SLC7A5: variants seen among roughly 807,000 people sequenced by gnomAD.
The protein encoded by SLC7A5 is solute carrier family 7 member 5.
In SLC7A5, 23 loss-of-function variants were observed where a neutral mutation model predicts 50.2. The ratio of observed to expected loss-of-function variants is 0.46; its 90% CI spans 0.33 to 0.65. The LOEUF is 0.65. Ranked by LOEUF, SLC7A5 falls within the 30% of genes least tolerant of loss-of-function variation. The pLI is 0.02. For synonymous variants in SLC7A5, 393 were observed against 330.6 expected (o/e 1.19, Z -2.05); for missense variants, 578 against 684.4 (o/e 0.84, Z 1.73).
At chr16:87,836,305 C>A (rs1006852627) in intron 8 of SLC7A5, among the ~76,000 whole-genome samples, 193 bp downstream of exon 8, 2 of 152,278 alleles carry the variant, frequency 1.3e-5, no homozygotes, top group South Asian at 2.1e-4. Context: ...GGAACCCCGG[C>A]TCCTGCAGTC....
intron 2 of SLC7A5, among the ~76,000 whole-genome samples, chr16:87,843,640 T>C (rs58852522): frequency 0.35 from 53,125 of 151,868 alleles, 10,650 homozygotes; most frequent in South Asian, 0.57. Context: ...AGCACCCCTG[T>C]ACCTCTCAGC....
At position 87,841,044 on chromosome 16, in the gene SLC7A5, AC is replaced by A; in HGVS notation, c.770+5del. On this transcript the variant is annotated splice_donor_5th_base_variant and intron_variant, in intron 3 of 9. Coordinates refer to ENST00000261622, the MANE Select transcript of SLC7A5 (RefSeq NM_003486.7). The surrounding 1 kb of genome is among the most constrained non-coding windows in gnomAD (Gnocchi z 4.8). Reference sequence around the variant, plus strand: ...GACCAAGGGACCCAGACATTCCAGAACCTACCATCCTCCATAGGCAAAGAGG... The same window carrying A: ...GACCAAGGGACCCAGACATTCCAGAACTACCATCCTCCATAGGCAAAGAGG... 1 of 1,602,716 alleles carries A rather than the reference AC, an allele frequency of 6.2e-7. No individual in the cohort carries two copies. Among genetic ancestry groups the A allele is most frequent in the Non-Finnish European group, 8.5e-7 (1 of 1,169,900 alleles).
chr16:87,868,527 C>A (rs989964776), intron 1 of SLC7A5, among the ~76,000 whole-genome samples: 1 of 152,174 alleles, frequency 6.6e-6, no homozygotes, highest in Non-Finnish European at 1.5e-5. Flanking sequence ...AAACCGATTG[C>A]TCAGTTACTC....
Position 87,845,356 on chromosome 16 carries a change from G to T in SLC7A5, c.665-4201C>A, listed in dbSNP as rs147740759. 3.5e-3 allele frequency among the ~76,000 whole-genome samples: 527 copies of T among 152,298 alleles called. 4 individuals carry two copies. The highest frequency in any genetic ancestry group is 0.012 in the African/African-American group (510 of 41,554). On this transcript the variant is annotated intron_variant, in intron 2 of 9. Coordinates refer to ENST00000261622, the MANE Select transcript of SLC7A5 (RefSeq NM_003486.7). The stretch of plus-strand genomic sequence containing the variant: ...GAGCTAGCTGCCCTGTGGGCTCAGG[G>T]AAGTCGTGCAGTGACCGCCACATGG...
intron 2 of SLC7A5, among the ~76,000 whole-genome samples, chr16:87,844,243 GC>G (rs1391849308): frequency 6.6e-6 from 1 of 152,192 alleles, no homozygotes; most frequent in Non-Finnish European, 1.5e-5. Flanking sequence ...GAAAGCAAAC[GC>G]ACAGCCAAAC....
rs1489202278 is a variant in SLC7A5 at position 87,841,563 on chromosome 16, C to T, written c.665-408G>A. Among the ~76,000 whole-genome samples the T allele has an allele frequency of 1.3e-5, 2 of 152,238 alleles. No homozygotes were observed. The highest frequency in any genetic ancestry group is 2.9e-5 in the Non-Finnish European group (2 of 68,034). The stretch of plus-strand genomic sequence containing the variant: ...TCGGTTTGCATCCTGGCTACGGCAA[C>T]AAGGAAGGCCCAGAGCCACTAGGGC... On this transcript the variant is annotated intron_variant, in intron 2 of 9. Transcript: ENST00000261622. This position sits in a 1 kb window ranked among gnomAD's most constrained non-coding sequence, Gnocchi z 4.8.
intron 2 of SLC7A5, among the ~76,000 whole-genome samples, chr16:87,849,882 G>A (rs1346025505): frequency 6.6e-6 from 1 of 152,098 alleles, no homozygotes; most frequent in African/African-American, 2.4e-5. Flanking sequence ...GGATTGACCT[G>A]GGCAACCTTC....
Position 87,839,753 on chromosome 16 carries a change from G to A in SLC7A5, c.888C>T (p.Tyr296=), listed in dbSNP as rs1441139610. ...TLVYVLTNLA[Y]FTTLSTEQML... ...TCTGCTCGGTGGACAGGGTGGTGAA[G>A]TAGGCCAGGTTGGTCAGCACGTACA... Residue 296 remains tyrosine, a synonymous_variant, in exon 5 of 10, where the codon TAC becomes TAT. Transcript: ENST00000261622. 5 of 1,613,808 alleles carry A rather than the reference G, an allele frequency of 3.1e-6. No homozygotes were observed. The highest frequency in any genetic ancestry group is 2.2e-5 in the East Asian group (1 of 44,888).
intron 8 of SLC7A5, among the ~76,000 whole-genome samples, chr16:87,835,480 T>G (rs1485615477): frequency 2.6e-5 from 4 of 152,210 alleles, no homozygotes; most frequent in Admixed American, 2.0e-4. Flanking sequence ...TGACTGTATT[T>G]TAAAGCCCCT....
rs545233685 is a variant in SLC7A5, at chr16:87,844,560, G to T, written c.665-3405C>A. On this transcript the variant is annotated intron_variant, in intron 2 of 9. Coordinates refer to ENST00000261622, the MANE Select transcript of SLC7A5 (RefSeq NM_003486.7). Reference sequence around the variant, plus strand: ...CGGGATCTTCCCCCTCCTCTGTGATGCGGCCAACCCTCCAAGCCTCTGGCT... The same window carrying T: ...CGGGATCTTCCCCCTCCTCTGTGATTCGGCCAACCCTCCAAGCCTCTGGCT... 5.6e-4 allele frequency among the ~76,000 whole-genome samples: 86 copies of T among 152,346 alleles called. No homozygotes were observed. The South Asian group carries it at 0.017, about 31-fold the overall frequency.
intron 5 of SLC7A5, among the ~76,000 whole-genome samples, chr16:87,839,305 G>A (rs1032586008): frequency 1.3e-5 from 2 of 152,174 alleles, no homozygotes; most frequent in Non-Finnish European, 2.9e-5. Context: ...CTGGCCTCCC[G>A]CCTGCCAAGC....
At chr16:87,837,674 C>G in intron 7 of SLC7A5, 171 bp downstream of exon 7, 1 of 599,626 alleles carries the variant, frequency 1.7e-6, no homozygotes, top group Non-Finnish European at 3.0e-6. Context: ...GGAATAAAAT[C>G]TAAAGCCCCT....
chr16:87,861,493 G>A lies in SLC7A5; in HGVS notation c.538+7392C>T, dbSNP rs574642489. On this transcript the variant is annotated intron_variant, in intron 1 of 9. Coordinates refer to ENST00000261622, the MANE Select transcript of SLC7A5 (RefSeq NM_003486.7). The surrounding 1 kb of genome is among the most constrained non-coding windows in gnomAD (Gnocchi z 4.2). Reference sequence around the variant, plus strand: ...CACTGTGGCCCCTGGCTCCTGGCTCGCTCCTGCCTCAGTTTCCCCAGCTGT... The same window carrying A: ...CACTGTGGCCCCTGGCTCCTGGCTCACTCCTGCCTCAGTTTCCCCAGCTGT... Among the ~76,000 whole-genome samples, 8 of 152,248 alleles carry A rather than the reference G, an allele frequency of 5.3e-5. No individual in the cohort carries two copies. The highest frequency in any genetic ancestry group is 2.1e-4 in the South Asian group (1 of 4,828).
rs571032770 is a variant in SLC7A5, at chr16:87,837,467, C to G, written c.1140+378G>C. The G allele has an allele frequency of 1.1e-5, 3 of 277,470 alleles. No individual in the cohort carries two copies. The South Asian group carries it at 1.5e-4, about 13-fold the overall frequency. 17.2% of individuals were successfully genotyped at this position (277,470 alleles called of 1,614,324 possible). A position where few individuals can be genotyped will look rare whatever the true frequency, so the allele number is the denominator to read the frequency against. ...CAGCCAGAGGGAACAAAGGCAGTCA[C>G]GCGGGCTGGCACGGAAAGATGCAGG... is the stretch of plus-strand genomic sequence containing the variant. On this transcript the variant is annotated intron_variant, in intron 7 of 9. Transcript: ENST00000261622.
intron 1 of SLC7A5, among the ~76,000 whole-genome samples, chr16:87,858,664 G>A (rs181268806): frequency 1.3e-3 from 198 of 152,200 alleles, no homozygotes; most frequent in Non-Finnish European, 2.4e-3. Flanking sequence ...TCTCACCCTC[G>A]TGCTCTGGCC....
Position 87,861,675 on chromosome 16 carries a change from C to T in SLC7A5, c.538+7210G>A, listed in dbSNP as rs756599607. The stretch of plus-strand genomic sequence containing the variant: ...CCTGGCCTGGGCCCCCGGGGGTCTG[C>T]GCAACCCACCCTTCTGTGTGAAGGC... On this transcript the variant is annotated intron_variant, in intron 1 of 9. Coordinates refer to ENST00000261622, the MANE Select transcript of SLC7A5 (RefSeq NM_003486.7). This position sits in a 1 kb window ranked among gnomAD's most constrained non-coding sequence, Gnocchi z 4.2. 7.9e-5 allele frequency among the ~76,000 whole-genome samples: 12 copies of T among 152,156 alleles called. No homozygotes were observed. Among genetic ancestry groups the T allele is most frequent in the African/African-American group, 2.9e-4 (12 of 41,420 alleles).
chr16:87,849,038 G>A (rs1025260661), intron 2 of SLC7A5, among the ~76,000 whole-genome samples: 2 of 152,228 alleles, frequency 1.3e-5, no homozygotes, highest in Non-Finnish European at 2.9e-5. Flanking sequence ...CCCAGGGTGC[G>A]GGACAGGCAG....
In SLC7A5 at chr16:87,869,059, C is replaced by T; in HGVS notation, c.364G>A (p.Glu122Lys). 1 of 1,611,956 alleles carries T rather than the reference C, an allele frequency of 6.2e-7. No individual in the cohort carries two copies. Among genetic ancestry groups the T allele is most frequent in the Non-Finnish European group, 8.5e-7 (1 of 1,179,816 alleles). The change falls in exon 1 of 10, where the codon GAG becomes AAG. Residue 122 changes from glutamate to lysine, a missense_variant. Glu to Lys is a moderately conservative substitution (Grantham distance 56). Coordinates refer to ENST00000261622, the MANE Select transcript of SLC7A5 (RefSeq NM_003486.7). The stretch of plus-strand genomic sequence containing the variant: ...AAGGCGGGCAGCGAGCCGTAGACCT[C>T]CAGCATGTAGGCGTAGTCGCCGCCC... ...KSGGDYAYMLEVYGSLPAFLK... is the reference protein window; with the variant it reads ...KSGGDYAYMLKVYGSLPAFLK...
At chr16:87,851,258 G>T (rs1036723970) in intron 2 of SLC7A5, among the ~76,000 whole-genome samples, 1 of 152,134 alleles carries the variant, frequency 6.6e-6, no homozygotes, top group Non-Finnish European at 1.5e-5. Context: ...CCTGCCCATG[G>T]AATGATGAAT....
Sources: gnomAD v4.1 joint callset for allele counts (sites outside exome capture counted in the v4.1 genomes callset) on GRCh38, gnomAD v4.1.1 for gene constraint, Gnocchi (gnomAD v3.1) non-coding constraint, MANE v1.5 for transcripts, NCBI Gene and HGNC (gene_info 2026-07-23, HGNC 2026-07-21) for gene names.